The following PTPN13 variants were observed in gnomAD, a reference collection of about 807,000 sequenced individuals.
PTPN13 encodes tyrosine-protein phosphatase non-receptor type 13.
A neutral mutation model predicts 284.0 loss-of-function variants in PTPN13; 191 were observed. That is an observed-to-expected ratio of 0.67 (90% CI 0.60 to 0.76). The LOEUF (loss-of-function observed/expected upper bound fraction) is 0.76, where lower values mean the gene tolerates loss of function less well. PTPN13 is among the 30% of genes least tolerant of loss of function. The pLI is 0.00. For missense variants in PTPN13, 2,797 were observed against 2,939.9 expected (o/e 0.95, Z 1.12); for synonymous variants, 986 against 1,022.3 (o/e 0.96, Z 0.68).
chr4:86,766,632 C>A, intron 27 of PTPN13, 115 bp downstream of exon 27: 1 of 679,144 alleles, frequency 1.5e-6, no homozygotes. Context: ...GAAACCAAGC[C>A]TGATATATAT....
intron 5 of PTPN13, chr4:86,689,477 C>A (rs1443625838): frequency 8.8e-6 from 5 of 571,354 alleles, no homozygotes; most frequent in African/African-American, 1.9e-5. Flanking sequence ...TAGATCTTTT[C>A]CCAAGGAGCT....
intron 2 of PTPN13, among the ~76,000 whole-genome samples, chr4:86,666,810 C>T (rs1286394007): frequency 6.6e-6 from 1 of 152,140 alleles, no homozygotes; most frequent in Non-Finnish European, 1.5e-5. Context: ...TCTTATTATG[C>T]AAATGGACTT....
chr4:86,782,301 T>A, intron 37 of PTPN13, 39 bp downstream of exon 37: 1 of 1,496,894 alleles, frequency 6.7e-7, no homozygotes, highest in Non-Finnish European at 9.3e-7. Context: ...CATACCTCCT[T>A]ATCTGAGGAA....
intron 43 of PTPN13, among the ~76,000 whole-genome samples, chr4:86,804,301 G>A (rs895485293): frequency 2.0e-5 from 3 of 152,146 alleles, no homozygotes; most frequent in African/African-American, 7.2e-5. Context: ...TCATGGTACT[G>A]TCCATATTTA....
chr4:86,623,837 A>G (rs1458888551), intron 1 of PTPN13, among the ~76,000 whole-genome samples: 1 of 152,074 alleles, frequency 6.6e-6, no homozygotes, highest in Non-Finnish European at 1.5e-5. Context: ...CTACTTTCTG[A>G]CTTTCCTGCT....
chr4:86,625,552 T>G (rs991948548), intron 1 of PTPN13, among the ~76,000 whole-genome samples: 5 of 152,138 alleles, frequency 3.3e-5, no homozygotes, highest in African/African-American at 1.2e-4. Flanking sequence ...TAGTTTGTTT[T>G]TGTTTGCTTA....
chr4:86,670,708 T>C (rs74873738), intron 2 of PTPN13, among the ~76,000 whole-genome samples: 7,604 of 152,320 alleles, frequency 0.05, 260 homozygotes, highest in African/African-American at 0.073. Flanking sequence ...TGTTTTGTGA[T>C]ATCTGTGACA....
intron 41 of PTPN13, 87 bp downstream of exon 41, chr4:86,797,016 T>A (rs9884784): frequency 0.096 from 91,552 of 950,684 alleles, 4,954 homozygotes; most frequent in Non-Finnish European, 0.12. Context: ...CAGTATAAAA[T>A]AAGCATAGTT....
chr4:86,618,454 T>G (rs1387841151), intron 1 of PTPN13, among the ~76,000 whole-genome samples: 7 of 152,222 alleles, frequency 4.6e-5, no homozygotes, highest in Admixed American at 2.6e-4. Flanking sequence ...TTTTTTCCTA[T>G]TCTGTGAAGA....
intron 27 of PTPN13, among the ~76,000 whole-genome samples, chr4:86,767,588 C>A (rs141436853): frequency 5.3e-5 from 8 of 152,012 alleles, no homozygotes; most frequent in African/African-American, 1.9e-4. Context: ...ATAATAGATT[C>A]TTTTTAATCA....
chr4:86,725,356 T>C (rs1734128059), intron 10 of PTPN13, among the ~76,000 whole-genome samples: 2 of 149,434 alleles, frequency 1.3e-5, no homozygotes, highest in African/African-American at 4.9e-5. Flanking sequence ...CTGGGTCAAA[T>C]GGTGTTTCTA....
At chr4:86,663,317 G>A (rs1159981709) in intron 2 of PTPN13, among the ~76,000 whole-genome samples, 1 of 152,196 alleles carries the variant, frequency 6.6e-6, no homozygotes, top group Non-Finnish European at 1.5e-5. Context: ...AACCCATGGG[G>A]GGGTTTGCAC....
At chr4:86,678,789 T>TC (rs1200917988) in intron 3 of PTPN13, among the ~76,000 whole-genome samples, 9 of 152,202 alleles carry the variant, frequency 5.9e-5, no homozygotes. Context: ...TGAGTCTACC[T>TC]CTTTAGTATA....
At chr4:86,629,189 A>T (rs891234764) in intron 1 of PTPN13, among the ~76,000 whole-genome samples, 10 of 148,412 alleles carry the variant, frequency 6.7e-5, no homozygotes, top group African/African-American at 2.5e-4. Context: ...AATTTTCGCA[A>T]CCTACTCATC....
At chr4:86,636,856 A>G (rs1181270434) in intron 2 of PTPN13, among the ~76,000 whole-genome samples, 2 of 152,086 alleles carry the variant, frequency 1.3e-5, no homozygotes, top group Non-Finnish European at 2.9e-5. Context: ...ATAGAGACTA[A>G]AAAAAACCCT....
At chr4:86,654,435 G>C (rs1306667797) in intron 2 of PTPN13, among the ~76,000 whole-genome samples, 2 of 152,166 alleles carry the variant, frequency 1.3e-5, no homozygotes, top group Non-Finnish European at 2.9e-5. Context: ...AGAGATTCTG[G>C]TATGTTGTGT....
intron 1 of PTPN13, among the ~76,000 whole-genome samples, chr4:86,622,892 C>T (rs1004676628): frequency 9.2e-5 from 14 of 152,208 alleles, no homozygotes; most frequent in African/African-American, 2.7e-4. Context: ...GCAAACATAA[C>T]ATACAAAATC....
chr4:86,735,760 A>T lies in PTPN13; in HGVS notation c.2304+14A>T. On this transcript the variant is annotated intron_variant, in intron 15 of 47. Coordinates refer to ENST00000411767, the MANE Select transcript of PTPN13 (RefSeq NM_080683.3). ...GAATTTTTAAAGGTAAGCATCCAAG[A>T]TTACAAATGATAAGCTTTGTATCTT... is the stretch of plus-strand genomic sequence containing the variant. The T allele has an allele frequency of 6.2e-7, 1 of 1,601,802 alleles. No individual in the cohort carries two copies. The highest frequency in any genetic ancestry group is 8.5e-7 in the Non-Finnish European group (1 of 1,174,794).
chr4:86,774,877 C>T (rs1412432990), intron 33 of PTPN13, among the ~76,000 whole-genome samples: 1 of 151,948 alleles, frequency 6.6e-6, no homozygotes, highest in Non-Finnish European at 1.5e-5. Flanking sequence ...AACAAGCTAT[C>T]TTAGGTCTCA....
Sources: gnomAD v4.1 joint callset for allele counts (sites outside exome capture counted in the v4.1 genomes callset) on GRCh38, gnomAD v4.1.1 for gene constraint, MANE v1.5 for transcripts, NCBI Gene and HGNC (gene_info 2026-07-23, HGNC 2026-07-21) for gene names.